The following AVEN variants were observed in gnomAD, a reference collection of about 807,000 sequenced individuals.
AVEN encodes the protein apoptosis and caspase activation inhibitor, also known as cell death regulator Aven.
In AVEN, 41 loss-of-function variants were observed where a neutral mutation model predicts 38.1. That is an observed-to-expected ratio of 1.08 (90% CI 0.84 to 1.40). The LOEUF (loss-of-function observed/expected upper bound fraction) is 1.40, where lower values mean the gene tolerates loss of function less well. Among genes scored for constraint, AVEN ranks in the 40% most tolerant of loss-of-function variants. The pLI is 0.00. For missense variants in AVEN, 605 were observed against 438.8 expected (o/e 1.38, Z -3.38); for synonymous variants, 206 against 171.8 (o/e 1.20, Z -1.56).
At chr15:33,894,820 A>AT (rs1369004732) in intron 2 of AVEN, among the ~76,000 whole-genome samples, 1 of 16,232 alleles carries the variant, frequency 6.2e-5, no homozygotes, top group African/African-American at 8.6e-5. Flanking sequence ...AAAAAAAAAA[A>AT]AATAATAACA....
exon 12 of AVEN, chr15:33,858,993 C>G (rs2080039068): frequency 1.3e-5 from 2 of 152,628 alleles, no homozygotes; most frequent in Admixed American, 1.3e-4. Context: ...TTTTGATTTT[C>G]CAGGTGTAAG....
rs193217904 is a variant in AVEN at position 34,049,146 on chromosome 15, C to T, written n.1637+13776G>A. ...AAACTCAAAAAGACAGAGTGCGTCTCTGCCTCCAAATGACTGCACACCTCT... is the reference window on the plus strand; with the variant it reads ...AAACTCAAAAAGACAGAGTGCGTCTTTGCCTCCAAATGACTGCACACCTCT... On this transcript the variant is annotated intron_variant and non_coding_transcript_variant, in intron 5 of 11. Coordinates refer to the AVEN transcript ENST00000675287. 4.9e-3 allele frequency among the ~76,000 whole-genome samples: 744 copies of T among 152,328 alleles called. 4 individuals carry two copies. Among genetic ancestry groups the T allele is most frequent in the Non-Finnish European group, 9.0e-3 (611 of 68,030 alleles).
At chr15:33,939,040 A>C (rs1357852942) in intron 2 of AVEN, among the ~76,000 whole-genome samples, 2 of 152,206 alleles carry the variant, frequency 1.3e-5, no homozygotes, top group Non-Finnish European at 1.5e-5. Context: ...ACAGGGTTTC[A>C]CCATGTTGGC....
chr15:33,854,468 A>G (rs2079433706), downstream of AVEN: 3 of 1,548,878 alleles, frequency 1.9e-6, no homozygotes, highest in East Asian at 7.0e-5. Context: ...TGCACCTGGA[A>G]AAACAAAATT....
chr15:34,003,602 C>T (rs1440983543), intron 1 of AVEN, among the ~76,000 whole-genome samples: 1 of 152,138 alleles, frequency 6.6e-6, no homozygotes, highest in African/African-American at 2.4e-5. Context: ...CAAACACATT[C>T]CATAAACATG....
intron 2 of AVEN, among the ~76,000 whole-genome samples, chr15:33,916,829 A>G (rs909937200): frequency 2.0e-5 from 3 of 151,854 alleles, no homozygotes; most frequent in Non-Finnish European, 4.4e-5. Flanking sequence ...AAAAAAAAAG[A>G]GGTTTAATTG....
chr15:34,072,617 T>A lies in AVEN; in HGVS notation n.720+1819A>T, dbSNP rs531817487. 2.5e-3 allele frequency among the ~76,000 whole-genome samples: 339 copies of A among 136,336 alleles called. 1 individual carries two copies. The highest frequency in any genetic ancestry group is 8.6e-3 in the African/African-American group (329 of 38,134). 89.4% of individuals were successfully genotyped at this position (136,336 alleles called of 152,430 possible). A position where few individuals can be genotyped will look rare whatever the true frequency, so the allele number is the denominator to read the frequency against. ...AGAGATTCTGTATCAAAAAAAAAAA[T>A]TACCTGTAATTTTATTTTATTTTAC... On this transcript the variant is annotated intron_variant and non_coding_transcript_variant, in intron 1 of 11. Coordinates refer to the AVEN transcript ENST00000675287.
chr15:33,946,883 T>C (rs1894529250), intron 2 of AVEN, among the ~76,000 whole-genome samples: 1 of 152,138 alleles, frequency 6.6e-6, no homozygotes, highest in African/African-American at 2.4e-5. Flanking sequence ...GAGCAATGAT[T>C]CCTCTGCTCA....
At chr15:34,069,843 T>C (rs145400501) in intron 2 of AVEN, among the ~76,000 whole-genome samples, 1,867 of 152,328 alleles carry the variant, frequency 0.012, 45 homozygotes, top group African/African-American at 0.038. Flanking sequence ...TAACTGTTTA[T>C]TTAATTTCAT....
At chr15:33,970,660 ATAAT>A (rs1430422942) in intron 2 of AVEN, among the ~76,000 whole-genome samples, 1 of 151,846 alleles carries the variant, frequency 6.6e-6, no homozygotes, top group African/African-American at 2.4e-5. Flanking sequence ...ATTTTAAATT[ATAAT>A]TAAAGATTTT....
chr15:33,859,451 G>C (rs2080101499), intron 11 of AVEN: 1 of 998,430 alleles, frequency 1.0e-6, no homozygotes, highest in Non-Finnish European at 1.5e-6. Context: ...TGGCACCTCT[G>C]AAGAGTTCCC....
chr15:34,074,270 T>G (rs1900692061), intron 1 of AVEN, among the ~76,000 whole-genome samples: 1 of 151,976 alleles, frequency 6.6e-6, no homozygotes, highest in Non-Finnish European at 1.5e-5. Context: ...AGTGCTGGGA[T>G]TACAGACATG....
chr15:34,015,200 TAGGCCGGGCGC>T (rs1430491087), intron 1 of AVEN, among the ~76,000 whole-genome samples: 3 of 152,208 alleles, frequency 2.0e-5, no homozygotes, highest in Non-Finnish European at 4.4e-5. Flanking sequence ...TTCCACAAAA[TAGGCCGGGCGC>T]AGTGGCTCAC....
chr15:33,952,997 C>T (rs1894811160), intron 2 of AVEN, among the ~76,000 whole-genome samples: 1 of 151,964 alleles, frequency 6.6e-6, no homozygotes, highest in South Asian at 2.1e-4. Context: ...ACACCAATAA[C>T]AGACAAGAGA....
At chr15:34,038,378 A>C (rs1218792745) in intron 1 of AVEN, among the ~76,000 whole-genome samples, 1 of 152,198 alleles carries the variant, frequency 6.6e-6, no homozygotes, top group Non-Finnish European at 1.5e-5. Flanking sequence ...GCGTGCCCGT[A>C]AAGGCTGCCG....
downstream of AVEN, among the ~76,000 whole-genome samples, chr15:33,858,440 C>T (rs2079948556): frequency 6.6e-6 from 1 of 152,142 alleles, no homozygotes; most frequent in Non-Finnish European, 1.5e-5. Context: ...CTCCCGACCT[C>T]AGGTGATCTG....
At chr15:33,909,499 A>G (rs1035786443) in intron 2 of AVEN, among the ~76,000 whole-genome samples, 2 of 152,210 alleles carry the variant, frequency 1.3e-5, no homozygotes, top group Non-Finnish European at 2.9e-5. Context: ...CCAGGTAACA[A>G]TAATGCTTGT....
rs969448249 is a variant in AVEN at position 33,876,051 on chromosome 15, C to A, written c.446-56G>T. 5 of 1,516,398 alleles carry A rather than the reference C, an allele frequency of 3.3e-6. No homozygotes were observed. The African/African-American group carries it at 4.2e-5, about 13-fold the overall frequency. 93.9% of individuals were successfully genotyped at this position (1,516,398 alleles called of 1,614,324 possible). A position where few individuals can be genotyped will look rare whatever the true frequency, so the allele number is the denominator to read the frequency against. On this transcript the variant is annotated intron_variant, in intron 2 of 5. Coordinates refer to ENST00000306730, the MANE Select transcript of AVEN (RefSeq NM_020371.3). ...CAAAAGCCAACGGAAACTCTCAGTTCTCTAAATTTCCCTGCTAGAGCAAAA... is the reference window on the plus strand; with the variant it reads ...CAAAAGCCAACGGAAACTCTCAGTTATCTAAATTTCCCTGCTAGAGCAAAA...
At chr15:34,020,135 C>T (rs1414942412) in intron 1 of AVEN, among the ~76,000 whole-genome samples, 1 of 152,000 alleles carries the variant, frequency 6.6e-6, no homozygotes, top group Non-Finnish European at 1.5e-5. Context: ...CATGGTGAAA[C>T]CCCGTCTCTA....
Sources: gnomAD v4.1 joint callset for allele counts (sites outside exome capture counted in the v4.1 genomes callset) on GRCh38, gnomAD v4.1.1 for gene constraint, MANE v1.5 for transcripts, NCBI Gene and HGNC (gene_info 2026-07-23, HGNC 2026-07-21) for gene names.